Variants in MEG3 observed in about 807,000 individuals in gnomAD.
The protein encoded by MEG3 is maternally expressed 3, also known as Very putative protein from MEG3 locus.
At chr14:100,827,727 G>T (rs1487465957) in intron 1 of MEG3, among the ~76,000 whole-genome samples, 1 of 152,160 alleles carries the variant, frequency 6.6e-6, no homozygotes, top group African/African-American at 2.4e-5. Flanking sequence ...GGCGGGGAGC[G>T]GCGTGGTGGC....
At chr14:100,856,184 C>A (rs929475591), upstream of MEG3, 3 of 152,226 alleles carry the variant, frequency 2.0e-5, no homozygotes, top group African/African-American at 7.2e-5. Flanking sequence ...TAGAACACTC[C>A]ATAGGCAAAC....
At chr14:100,858,476 T>G (rs2140012149) in exon 1 of MEG3, 1 of 152,734 alleles carries the variant, frequency 6.5e-6, no homozygotes, top group South Asian at 2.1e-4. Flanking sequence ...TTGAGCTGGG[T>G]GTTCCTTCTG....
At chr14:100,843,385 C>T (rs145913288) in intron 2 of MEG3, among the ~76,000 whole-genome samples, 1,949 of 152,100 alleles carry the variant, frequency 0.013, 21 homozygotes, top group Non-Finnish European at 0.021. Context: ...ACCCCAGCCA[C>T]GCACAGTCTC....
Position 100,860,505 on chromosome 14 carries a change from G to A in MEG3, n.3112+149G>A, listed in dbSNP as rs551790021. 1.1e-3 allele frequency: 417 copies of A among 390,476 alleles called. 2 individuals are homozygous for A. The highest frequency in any genetic ancestry group is 7.4e-3 in the African/African-American group (358 of 48,122). The allele number at this position is 390,476 out of a possible 1,614,324, so 24.2% of individuals were successfully genotyped here. A position where few individuals can be genotyped will look rare whatever the true frequency, so the allele number is the denominator to read the frequency against. On this transcript the variant is annotated intron_variant and non_coding_transcript_variant, in intron 1 of 1. Transcript: ENST00000398460. ...GGCAGGGTACGCCAGAAGTTGAGGG[G>A]CACTAGGTAGACAGGCCGAGCTGGT... is the stretch of plus-strand genomic sequence containing the variant.
chr14:100,854,336 T>G (rs1247408089), upstream of MEG3: 2 of 152,236 alleles, frequency 1.3e-5, no homozygotes, highest in Non-Finnish European at 2.9e-5. Context: ...GGTCATGGCT[T>G]TCTGAAGAGA....
At chr14:100,843,365 G>T (rs1217860209) in intron 2 of MEG3, among the ~76,000 whole-genome samples, 3 of 152,060 alleles carry the variant, frequency 2.0e-5, no homozygotes, top group African/African-American at 7.2e-5. Context: ...CGTGGCGATG[G>T]TGAGAGGCCA....
chr14:100,834,063 G>A (rs939976644), downstream of MEG3: 7 of 152,300 alleles, frequency 4.6e-5, no homozygotes, highest in African/African-American at 1.7e-4. Flanking sequence ...TTTTGCCAAG[G>A]CGAGACTTTC....
intron 2 of MEG3, among the ~76,000 whole-genome samples, chr14:100,841,701 AG>A (rs1221930402): frequency 3.9e-5 from 6 of 152,206 alleles, no homozygotes; most frequent in African/African-American, 1.2e-4. Context: ...GAAGGTTCCA[AG>A]GGGCTGCCCC....
intron 2 of MEG3, among the ~76,000 whole-genome samples, chr14:100,843,348 C>T (rs2037815282): frequency 6.6e-6 from 1 of 152,054 alleles, no homozygotes; most frequent in African/African-American, 2.4e-5. Context: ...TCGTTGCCAC[C>T]TTAGGACGTG....
At chr14:100,838,441 T>TA (rs777777200) in intron 2 of MEG3, among the ~76,000 whole-genome samples, 2 of 152,236 alleles carry the variant, frequency 1.3e-5, no homozygotes, top group Middle Eastern at 3.2e-3. Context: ...AAACGTGACT[T>TA]ACTACGTCAG....
rs901822095 is a variant in MEG3, at chr14:100,837,673, C to A, written n.3045+1373C>A. 1.3e-5 allele frequency among the ~76,000 whole-genome samples: 2 copies of A among 152,072 alleles called. No homozygotes were observed. The highest frequency in any genetic ancestry group is 1.5e-5 in the Non-Finnish European group (1 of 68,014). On this transcript the variant is annotated intron_variant and non_coding_transcript_variant, in intron 2 of 3. Coordinates refer to the MEG3 transcript ENST00000398461. This position sits in a 1 kb window ranked among gnomAD's most constrained non-coding sequence, Gnocchi z 5.8. ...CAGGCCTCCGCCCTCCGCCACCCCC[C>A]ACCCCCGGAGTGTCTCTGGTTTCCG...
At chr14:100,846,577 C>T (rs1027506877) in intron 3 of MEG3, 1 of 152,210 alleles carries the variant, frequency 6.6e-6, no homozygotes, top group African/African-American at 2.4e-5. Context: ...GAGGTTGTTT[C>T]ACTGGTATCT....
At chr14:100,836,591 G>A (rs750288379) in intron 2 of MEG3, among the ~76,000 whole-genome samples, 1 of 151,642 alleles carries the variant, frequency 6.6e-6, no homozygotes, top group Non-Finnish European at 1.5e-5. Context: ...AGAGCGGCTC[G>A]GGCCAGGCAC....
chr14:100,840,650 G>A (rs1323237986), intron 2 of MEG3, among the ~76,000 whole-genome samples: 2 of 152,212 alleles, frequency 1.3e-5, no homozygotes, highest in Non-Finnish European at 2.9e-5. Context: ...ACCAGCCACT[G>A]GGTTCGCGCG....
At chr14:100,852,539 C>A, upstream of MEG3, 1 of 441,352 alleles carries the variant, frequency 2.3e-6, no homozygotes. Flanking sequence ...GGACTGAGGT[C>A]TGGGGGTGCA....
In MEG3 at chr14:100,837,913, C is replaced by G. The variant is rs60164928; in HGVS notation, n.3045+1613C>G. 8.6e-3 allele frequency among the ~76,000 whole-genome samples: 1,300 copies of G among 151,932 alleles called. 17 individuals carry two copies. Among genetic ancestry groups the G allele is most frequent in the African/African-American group, 0.03 (1,228 of 41,440 alleles). On this transcript the variant is annotated intron_variant and non_coding_transcript_variant, in intron 2 of 3. Transcript: ENST00000398461. The surrounding 1 kb of genome is among the most constrained non-coding windows in gnomAD (Gnocchi z 5.8). ...TGGAGAGCCCCAGAGCCTGGAGAGA[C>G]GGGGAGGGGAGTGTGTGCCCAGGGC... is the stretch of plus-strand genomic sequence containing the variant.
At chr14:100,828,475 ATC>A (rs2037311663) in intron 1 of MEG3, among the ~76,000 whole-genome samples, 2 of 72,944 alleles carry the variant, frequency 2.7e-5, no homozygotes, top group Non-Finnish European at 2.5e-5. Context: ...CATTTTCCTC[ATC>A]TCTCTTTTCC....
At chr14:100,844,840 A>G (rs544666301) in intron 2 of MEG3, among the ~76,000 whole-genome samples, 1 of 152,340 alleles carries the variant, frequency 6.6e-6, no homozygotes, top group South Asian at 2.1e-4. Flanking sequence ...ACAAAAAAAC[A>G]AGTTAAAACG....
chr14:100,836,339 G>C (rs1432565827), intron 2 of MEG3: 1 of 454,972 alleles, frequency 2.2e-6, no homozygotes, highest in Admixed American at 2.4e-5. Context: ...GATTTTATTA[G>C]GGTCAGCTCA....
Sources: allele counts gnomAD v4.1 joint callset (sites outside exome capture counted in the v4.1 genomes callset), GRCh38; gene constraint gnomAD v4.1.1; non-coding constraint Gnocchi (gnomAD v3.1); transcripts MANE v1.5; gene names NCBI Gene and HGNC (gene_info 2026-07-23, HGNC 2026-07-21).